The following SYNPR variants were observed in gnomAD, a reference collection of about 807,000 sequenced individuals.
The protein encoded by SYNPR is synaptoporin.
SYNPR carries 23 observed loss-of-function variants against 32.9 expected under a neutral mutation model. The observed-to-expected ratio is 0.70, with a 90% CI of 0.50 to 0.99. The LOEUF (loss-of-function observed/expected upper bound fraction) is 0.99, where lower values mean the gene tolerates loss of function less well. SYNPR is among the 50% of genes least tolerant of loss of function. SYNPR has a pLI of 0.00. For synonymous variants in SYNPR, 146 were observed against 135.9 expected (o/e 1.07, Z -0.52); for missense variants, 318 against 349.3 (o/e 0.91, Z 0.71).
chr3:63,227,504 G>C (rs72876376), upstream of SYNPR, among the ~76,000 whole-genome samples: 2,939 of 152,196 alleles, frequency 0.019, 99 homozygotes, highest in African/African-American at 0.066. Flanking sequence ...ATCTAAAATA[G>C]GTATATTTTT....
At chr3:63,357,943 A>C (rs977060757) in intron 2 of SYNPR, among the ~76,000 whole-genome samples, 4 of 152,206 alleles carry the variant, frequency 2.6e-5, no homozygotes, top group Admixed American at 2.6e-4. Flanking sequence ...CTTATAGTGT[A>C]GGAAAAAGTT....
At chr3:63,398,237 TAAG>T (rs1275546927) in intron 2 of SYNPR, among the ~76,000 whole-genome samples, 4 of 152,304 alleles carry the variant, frequency 2.6e-5, no homozygotes, top group Non-Finnish European at 2.9e-5. Flanking sequence ...AGATAGAGCG[TAAG>T]AGCTGGCACT....
chr3:63,529,459 G>A (rs893408211), intron 3 of SYNPR, among the ~76,000 whole-genome samples: 2 of 152,160 alleles, frequency 1.3e-5, no homozygotes, highest in Admixed American at 1.3e-4. Flanking sequence ...AGGGAGGTCT[G>A]AGTGTACTAA....
chr3:63,360,808 C>G (rs1208796895), intron 2 of SYNPR, among the ~76,000 whole-genome samples: 2 of 152,108 alleles, frequency 1.3e-5, no homozygotes, highest in African/African-American at 4.8e-5. Flanking sequence ...CTAAGATATT[C>G]CCCCTATATA....
At chr3:63,329,460 C>T (rs2087202397) in intron 2 of SYNPR, among the ~76,000 whole-genome samples, 1 of 152,132 alleles carries the variant, frequency 6.6e-6, no homozygotes, top group African/African-American at 2.4e-5. Context: ...CCCAAGACAT[C>T]ACAACACAGC....
At chr3:63,541,155 G>C (rs1702295196) in intron 3 of SYNPR, among the ~76,000 whole-genome samples, 1 of 151,420 alleles carries the variant, frequency 6.6e-6, no homozygotes, top group Admixed American at 6.6e-5. Context: ...CCACCGCAGA[G>C]AGAAAGAATA....
the SYNPR span, chr3:63,203,084 A>C: frequency 7.3e-6 from 1 of 136,962 alleles, no homozygotes; most frequent in Non-Finnish European, 1.5e-5. Context: ...ATATATATAT[A>C]TATATATATA....
chr3:63,331,314 C>A (rs2087227755), intron 2 of SYNPR, among the ~76,000 whole-genome samples: 1 of 152,142 alleles, frequency 6.6e-6, no homozygotes, highest in African/African-American at 2.4e-5. Context: ...TTTCAGAATT[C>A]TTCTAAGGCA....
chr3:63,442,321 A>AATACCT (rs1201818988), intron 2 of SYNPR, among the ~76,000 whole-genome samples: 3 of 152,224 alleles, frequency 2.0e-5, no homozygotes, highest in African/African-American at 7.2e-5. Flanking sequence ...ACAACAAATT[A>AATACCT]ATACCTATAA....
intron 2 of SYNPR, among the ~76,000 whole-genome samples, chr3:63,442,395 G>T (rs1049059691): frequency 6.6e-6 from 1 of 152,150 alleles, no homozygotes; most frequent in South Asian, 2.1e-4. Flanking sequence ...AAAGTAGGGG[G>T]CGGGAAGGAG....
chr3:63,505,242 T>A lies in SYNPR; in HGVS notation c.209+24286T>A, dbSNP rs148345750. On this transcript the variant is annotated intron_variant, in intron 3 of 5. Coordinates refer to ENST00000478300, the MANE Select transcript of SYNPR (RefSeq NM_001130003.2). ...GGTTGAAGCATATGAAATTGACACATTTATAGATCAAAACCAGGTGAATAT... is the reference window on the plus strand; with the variant it reads ...GGTTGAAGCATATGAAATTGACACAATTATAGATCAAAACCAGGTGAATAT... 1.7e-4 allele frequency among the ~76,000 whole-genome samples: 26 copies of A among 152,192 alleles called. 1 individual carries two copies. In the East Asian group the frequency reaches 5.0e-3, roughly 29 times the overall value.
intron 2 of SYNPR, among the ~76,000 whole-genome samples, chr3:63,383,769 G>A (rs552140789): frequency 5.9e-5 from 9 of 152,256 alleles, no homozygotes; most frequent in African/African-American, 1.7e-4. Flanking sequence ...GAACATCTTT[G>A]CTTCATAAAA....
chr3:63,277,879 C>T (rs1042907894), upstream of SYNPR, among the ~76,000 whole-genome samples: 2 of 152,088 alleles, frequency 1.3e-5, no homozygotes, highest in Admixed American at 1.3e-4. Flanking sequence ...CTAAGCACTG[C>T]CTGCCCACAG....
intron 4 of SYNPR, among the ~76,000 whole-genome samples, chr3:63,577,901 A>G (rs1479927143): frequency 6.6e-6 from 1 of 152,168 alleles, no homozygotes; most frequent in Admixed American, 6.6e-5. Flanking sequence ...TAACAATTAA[A>G]TAATCTGCTG....
At chr3:63,415,838 C>T (rs2088532758) in intron 2 of SYNPR, among the ~76,000 whole-genome samples, 1 of 152,226 alleles carries the variant, frequency 6.6e-6, no homozygotes, top group African/African-American at 2.4e-5. Flanking sequence ...ATTTGAATCA[C>T]TTTGCAGTTA....
chr3:63,320,485 T>C (rs1482309233), intron 2 of SYNPR, among the ~76,000 whole-genome samples: 1 of 152,008 alleles, frequency 6.6e-6, no homozygotes, highest in Non-Finnish European at 1.5e-5. Context: ...AGCCACACCT[T>C]GTAAAAAATT....
chr3:63,445,573 T>C (rs993812147), intron 2 of SYNPR: 18 of 700,888 alleles, frequency 2.6e-5, no homozygotes, highest in African/African-American at 1.0e-4. Flanking sequence ...GTCATTTCCA[T>C]TTAGTAAGTA....
chr3:63,527,638 C>T (rs144727118), intron 3 of SYNPR, among the ~76,000 whole-genome samples: 1 of 152,280 alleles, frequency 6.6e-6, no homozygotes, highest in East Asian at 1.9e-4. Context: ...TTTCCCTCTT[C>T]ATCTATTTCA....
At chr3:63,301,931 T>C (rs933379904) in intron 2 of SYNPR, among the ~76,000 whole-genome samples, 1 of 152,102 alleles carries the variant, frequency 6.6e-6, no homozygotes, top group Non-Finnish European at 1.5e-5. Flanking sequence ...ACTGAATATA[T>C]GACAATGAGG....
Sources: allele counts gnomAD v4.1 joint callset (sites outside exome capture counted in the v4.1 genomes callset), GRCh38; gene constraint gnomAD v4.1.1; transcripts MANE v1.5; gene names NCBI Gene and HGNC (gene_info 2026-07-23, HGNC 2026-07-21).